Variants in KCNIP4 observed in about 807,000 individuals in gnomAD.
The protein encoded by KCNIP4 is potassium voltage-gated channel interacting protein 4, also known as Kv channel-interacting protein 4.
In KCNIP4, 12 loss-of-function variants were observed where a neutral mutation model predicts 34.0. That is an observed-to-expected ratio of 0.35 (90% confidence interval 0.23 to 0.57). The LOEUF (loss-of-function observed/expected upper bound fraction) is 0.57, where lower values mean the gene tolerates loss of function less well. Among genes scored for constraint, KCNIP4 ranks in the 20% least tolerant of loss-of-function variants. The pLI is 0.83. For missense variants in KCNIP4, 238 were observed against 311.7 expected (o/e 0.76, Z 1.78); for synonymous variants, 124 against 102.2 (o/e 1.21, Z -1.29).
At chr4:21,582,155 C>T (rs1741279822) in intron 1 of KCNIP4, 1 of 147,630 alleles carries the variant, frequency 6.8e-6, no homozygotes, top group South Asian at 2.1e-4. Flanking sequence ...TCATTTATTA[C>T]AATTAGTATG....
chr4:21,011,119 G>A (rs1028026506), intron 1 of KCNIP4, among the ~76,000 whole-genome samples: 1 of 152,220 alleles, frequency 6.6e-6, no homozygotes, highest in African/African-American at 2.4e-5. Flanking sequence ...CAGTGAGAGA[G>A]GAGGAGGAAA....
chr4:21,143,696 G>A (rs1184980459), intron 1 of KCNIP4, among the ~76,000 whole-genome samples: 1 of 146,096 alleles, frequency 6.8e-6, no homozygotes, highest in African/African-American at 2.6e-5. Context: ...TTTAACCACA[G>A]CCATCACAGT....
chr4:21,380,474 AGG>A lies in KCNIP4; in HGVS notation c.62-497767_62-497766del, dbSNP rs1202563243. Among the ~76,000 whole-genome samples the A allele has an allele frequency of 3.0e-3, 456 of 149,732 alleles. 4 individuals carry two copies. Among genetic ancestry groups the A allele is most frequent in the African/African-American group, 0.011 (437 of 40,612 alleles). ...GGGAGAGGGGGAGAGAGAGAGAGAG[AGG>A]GAGAGAGAGAGGGAGAGAGAGAGAT... On this transcript the variant is annotated intron_variant, in intron 1 of 8. Transcript: ENST00000382152.
chr4:21,801,687 C>A (rs868540759), intron 1 of KCNIP4, among the ~76,000 whole-genome samples: 29 of 152,058 alleles, frequency 1.9e-4, no homozygotes, highest in African/African-American at 6.5e-4. Flanking sequence ...CAGCTCACTG[C>A]AACCTCCACC....
chr4:21,290,985 A>T (rs1187007845), intron 1 of KCNIP4, among the ~76,000 whole-genome samples: 2 of 152,208 alleles, frequency 1.3e-5, no homozygotes, highest in Non-Finnish European at 2.9e-5. Flanking sequence ...TTTATAGAAG[A>T]AGTAGAGGCT....
At chr4:21,833,949 A>G (rs1287962386) in intron 1 of KCNIP4, among the ~76,000 whole-genome samples, 3 of 151,764 alleles carry the variant, frequency 2.0e-5, no homozygotes, top group African/African-American at 7.3e-5. Flanking sequence ...CCATTGATCT[A>G]TATCTCTGTT....
chr4:20,767,936 C>T (rs926342462), intron 3 of KCNIP4, among the ~76,000 whole-genome samples: 1 of 152,224 alleles, frequency 6.6e-6, no homozygotes, highest in Non-Finnish European at 1.5e-5. Context: ...TCACACCCAT[C>T]TCTGGTGCTA....
intron 1 of KCNIP4, among the ~76,000 whole-genome samples, chr4:21,175,331 A>G (rs2109307317): frequency 6.6e-6 from 1 of 152,256 alleles, no homozygotes; most frequent in Non-Finnish European, 1.5e-5. Flanking sequence ...CAACTACAGT[A>G]GTCCTCCCTT....
intron 1 of KCNIP4, among the ~76,000 whole-genome samples, chr4:21,409,561 T>A (rs915896576): frequency 6.6e-6 from 1 of 152,086 alleles, no homozygotes; most frequent in African/African-American, 2.4e-5. Flanking sequence ...AAAGAAAAAA[T>A]AATATGTTAT....
intron 1 of KCNIP4, among the ~76,000 whole-genome samples, chr4:21,184,677 C>T (rs775075207): frequency 5.3e-5 from 8 of 152,120 alleles, no homozygotes; most frequent in Non-Finnish European, 8.8e-5. Flanking sequence ...AGTCAGCTGT[C>T]TTATGCATCA....
intron 1 of KCNIP4, among the ~76,000 whole-genome samples, chr4:21,088,321 C>T (rs1746656971): frequency 6.6e-6 from 1 of 152,132 alleles, no homozygotes; most frequent in Non-Finnish European, 1.5e-5. Flanking sequence ...TCCAATCTGG[C>T]TCCTGGCTCT....
chr4:21,924,182 T>C (rs990517692), intron 1 of KCNIP4, among the ~76,000 whole-genome samples: 1 of 151,838 alleles, frequency 6.6e-6, no homozygotes, highest in African/African-American at 2.4e-5. Context: ...AACTGAATAG[T>C]AATATAACCA....
At chr4:21,905,498 A>C (rs922144974) in intron 1 of KCNIP4, among the ~76,000 whole-genome samples, 2 of 152,066 alleles carry the variant, frequency 1.3e-5, no homozygotes, top group African/African-American at 4.8e-5. Flanking sequence ...TTGGTGTGGC[A>C]CATATACACC....
At chr4:20,904,246 A>AT (rs1727478606) in intron 1 of KCNIP4, among the ~76,000 whole-genome samples, 2 of 151,672 alleles carry the variant, frequency 1.3e-5, no homozygotes, top group South Asian at 2.1e-4. Flanking sequence ...ATCCAGGGAA[A>AT]TTTTTTATCA....
chr4:21,294,973 C>A (rs907511130), intron 1 of KCNIP4, among the ~76,000 whole-genome samples: 1 of 152,146 alleles, frequency 6.6e-6, no homozygotes, highest in Non-Finnish European at 1.5e-5. Context: ...CCTCTACTGT[C>A]ACAATATTCT....
At chr4:21,155,445 T>G (rs2322873) in intron 1 of KCNIP4, among the ~76,000 whole-genome samples, 98,344 of 152,050 alleles carry the variant, frequency 0.65, 32,294 homozygotes, top group African/African-American at 0.75. Context: ...TGAAGAATCT[T>G]CTCTGGAGGG....
chr4:21,265,297 A>T (rs1217702195), intron 1 of KCNIP4, among the ~76,000 whole-genome samples: 2 of 152,082 alleles, frequency 1.3e-5, no homozygotes, highest in Non-Finnish European at 1.5e-5. Flanking sequence ...GAGGATGGGG[A>T]GTGATGAGAT....
At chr4:21,575,383 T>C (rs1740677462) in intron 1 of KCNIP4, among the ~76,000 whole-genome samples, 2 of 152,170 alleles carry the variant, frequency 1.3e-5, no homozygotes, top group South Asian at 4.1e-4. Flanking sequence ...TTCAGGAACA[T>C]AAGAAGGAAA....
intron 1 of KCNIP4, among the ~76,000 whole-genome samples, chr4:21,009,955 A>G (rs1337321071): frequency 1.4e-4 from 21 of 152,212 alleles, no homozygotes; most frequent in Non-Finnish European, 3.1e-4. Context: ...GGCTTAAACA[A>G]CAGGTATTTC....
Sources: allele counts gnomAD v4.1 joint callset (sites outside exome capture counted in the v4.1 genomes callset), GRCh38; gene constraint gnomAD v4.1.1; transcripts MANE v1.5; gene names NCBI Gene and HGNC (gene_info 2026-07-23, HGNC 2026-07-21).